The following LRP1B variants were observed in gnomAD, a reference collection of about 807,000 sequenced individuals.
The protein encoded by LRP1B is low-density lipoprotein receptor-related protein 1B.
In LRP1B, 217 loss-of-function variants were observed where a neutral mutation model predicts 556.6. The ratio of observed to expected loss-of-function variants is 0.39; its 90% CI spans 0.35 to 0.44. The LOEUF is 0.44. Among genes scored for constraint, LRP1B ranks in the 20% least tolerant of loss-of-function variants. The probability of loss-of-function intolerance (pLI) is 1.00; values close to 1 mark genes in which losing one functional copy is unlikely to be tolerated. For synonymous variants in LRP1B, 2,047 were observed against 1,865.8 expected (o/e 1.10, Z -2.50); for missense variants, 5,053 against 5,620.8 (o/e 0.90, Z 3.23).
intron 3 of LRP1B, among the ~76,000 whole-genome samples, chr2:141,334,012 T>G (rs78302701): frequency 0.023 from 3,444 of 152,274 alleles, 71 homozygotes; most frequent in South Asian, 0.063. Context: ...ACTAGGGTCT[T>G]AAAGAGGATT....
chr2:141,774,018 C>G (rs916439924), intron 2 of LRP1B, among the ~76,000 whole-genome samples: 1 of 152,190 alleles, frequency 6.6e-6, no homozygotes, highest in Non-Finnish European at 1.5e-5. Flanking sequence ...AACAACAACT[C>G]GTGATGGCTG....
intron 7 of LRP1B, among the ~76,000 whole-genome samples, chr2:141,165,883 G>T (rs1428265446): frequency 2.0e-5 from 3 of 152,098 alleles, no homozygotes; most frequent in Non-Finnish European, 4.4e-5. Flanking sequence ...CTATTAGAAT[G>T]TTTCCAGTTC....
intron 35 of LRP1B, among the ~76,000 whole-genome samples, chr2:140,737,825 T>C (rs1687998510): frequency 6.6e-6 from 1 of 152,214 alleles, no homozygotes; most frequent in African/African-American, 2.4e-5. Flanking sequence ...TGCCGGAGAA[T>C]GATTGTAGGC....
chr2:140,617,969 T>C (rs1034533010), intron 41 of LRP1B, among the ~76,000 whole-genome samples: 3 of 152,042 alleles, frequency 2.0e-5, no homozygotes, highest in African/African-American at 7.2e-5. Flanking sequence ...TGCTGTCTTT[T>C]AACCTTTTTA....
intron 79 of LRP1B, 145 bp from the exon 80 acceptor site, chr2:140,326,023 A>C (rs560868998): frequency 1.7e-6 from 1 of 600,644 alleles, no homozygotes; most frequent in East Asian, 2.8e-5. Flanking sequence ...ATGAAACTGT[A>C]GAAATTAGAA....
At chr2:140,623,469 G>A (rs1683530192) in intron 41 of LRP1B, among the ~76,000 whole-genome samples, 1 of 150,936 alleles carries the variant, frequency 6.6e-6, no homozygotes. Flanking sequence ...TATATCAAAA[G>A]GCATTATATC....
At chr2:141,368,403 A>G (rs1689119372) in intron 3 of LRP1B, among the ~76,000 whole-genome samples, 1 of 152,216 alleles carries the variant, frequency 6.6e-6, no homozygotes, top group African/African-American at 2.4e-5. Context: ...GGATGCATAA[A>G]GAGGGTAAGC....
At chr2:140,637,061 G>A (rs993497724) in intron 41 of LRP1B, among the ~76,000 whole-genome samples, 4 of 152,118 alleles carry the variant, frequency 2.6e-5, no homozygotes, top group Non-Finnish European at 5.9e-5. Context: ...GTGAAATGCT[G>A]CATTGTATTT....
chr2:140,996,646 G>A (rs1446921312), intron 15 of LRP1B, among the ~76,000 whole-genome samples: 1 of 151,970 alleles, frequency 6.6e-6, no homozygotes, highest in Non-Finnish European at 1.5e-5. Context: ...TTATTGCAGT[G>A]AGAGATTCTA....
intron 31 of LRP1B, among the ~76,000 whole-genome samples, chr2:140,820,376 T>C (rs1034027005): frequency 1.3e-5 from 2 of 152,182 alleles, no homozygotes; most frequent in Non-Finnish European, 2.9e-5. Flanking sequence ...ATTACCCTTT[T>C]CATTTCACCC....
intron 6 of LRP1B, among the ~76,000 whole-genome samples, chr2:141,189,968 A>G (rs1196839837): frequency 6.6e-6 from 1 of 152,106 alleles, no homozygotes; most frequent in African/African-American, 2.4e-5. Flanking sequence ...AAAAGAAAGA[A>G]AGAAAGCATC....
At chr2:141,216,208 T>C (rs1315921317) in intron 6 of LRP1B, among the ~76,000 whole-genome samples, 1 of 152,168 alleles carries the variant, frequency 6.6e-6, no homozygotes, top group Non-Finnish European at 1.5e-5. Flanking sequence ...GGTCCAGATA[T>C]ACCTCGAACC....
chr2:141,224,132 A>G (rs1171436655), intron 6 of LRP1B, among the ~76,000 whole-genome samples: 1 of 134,278 alleles, frequency 7.4e-6, no homozygotes, highest in African/African-American at 2.8e-5. Context: ...GCAATCTACA[A>G]GGAACTTAAA....
chr2:141,570,954 C>T (rs994591721), intron 2 of LRP1B, among the ~76,000 whole-genome samples: 2 of 151,284 alleles, frequency 1.3e-5, no homozygotes, highest in African/African-American at 4.8e-5. Context: ...CTCTGTGGAC[C>T]AGCTGACTTA....
intron 1 of LRP1B, among the ~76,000 whole-genome samples, chr2:141,919,324 T>C (rs1328589903): frequency 6.6e-6 from 1 of 152,090 alleles, no homozygotes; most frequent in African/African-American, 2.4e-5. Flanking sequence ...ATGTAAATTT[T>C]GGCTTCAAAC....
chr2:141,455,692 A>G (rs1429165561), intron 3 of LRP1B, among the ~76,000 whole-genome samples: 1 of 152,178 alleles, frequency 6.6e-6, no homozygotes, highest in African/African-American at 2.4e-5. Context: ...GTTTTGTGGA[A>G]TAAATGAACA....
rs376179019 is a variant in LRP1B at position 140,901,705 on chromosome 2, T to C, written c.3766+1215A>G. Among the ~76,000 whole-genome samples, 23 of 152,312 alleles carry C rather than the reference T, an allele frequency of 1.5e-4. No homozygotes were observed. The South Asian group carries it at 4.1e-3, about 27-fold the overall frequency. The stretch of plus-strand genomic sequence containing the variant: ...AATAAAGTGTTTCAAAAAGTATAGA[T>C]GAGAAAACATATTGAAGTGCACTTA... On this transcript the variant is annotated intron_variant, in intron 23 of 90. Transcript: ENST00000389484.
intron 60 of LRP1B, among the ~76,000 whole-genome samples, chr2:140,463,330 T>A (rs1407126593): frequency 6.6e-5 from 10 of 152,240 alleles, no homozygotes; most frequent in Non-Finnish European, 1.2e-4. Flanking sequence ...ATGCTTTATA[T>A]AACCTTAGGG....
At chr2:140,327,180 G>A (rs1027348652) in intron 79 of LRP1B, among the ~76,000 whole-genome samples, 7 of 152,076 alleles carry the variant, frequency 4.6e-5, no homozygotes, top group African/African-American at 1.7e-4. Context: ...TAATGGCAAC[G>A]CAACTGAATG....
Sources: allele counts gnomAD v4.1 joint callset (sites outside exome capture counted in the v4.1 genomes callset), GRCh38; gene constraint gnomAD v4.1.1; transcripts MANE v1.5; gene names NCBI Gene and HGNC (gene_info 2026-07-23, HGNC 2026-07-21).